The following DPP10 variants were observed in gnomAD, a reference collection of about 807,000 sequenced individuals.
The protein encoded by DPP10 is inactive dipeptidyl peptidase 10.
In DPP10, 33 loss-of-function variants were observed where a neutral mutation model predicts 120.9. That is an observed-to-expected ratio of 0.27 (90% CI 0.21 to 0.37). DPP10 has a LOEUF of 0.37. DPP10 is among the 10% of genes least tolerant of loss of function. DPP10 has a pLI of 1.00. For missense variants in DPP10, 816 were observed against 942.8 expected, an observed-to-expected ratio of 0.87 and a Z score of 1.76; for synonymous variants, 337 against 326.1, an observed-to-expected ratio of 1.03 and a Z score of -0.36.
At chr2:115,782,832 C>A (rs948073276) in intron 17 of DPP10, among the ~76,000 whole-genome samples, 1 of 151,934 alleles carries the variant, frequency 6.6e-6, no homozygotes, top group African/African-American at 2.4e-5. Flanking sequence ...TATCCAGGTT[C>A]TTCTAGTTTT....
intron 1 of DPP10, among the ~76,000 whole-genome samples, chr2:114,839,071 A>G (rs889897756): frequency 6.6e-6 from 1 of 152,202 alleles, no homozygotes; most frequent in Non-Finnish European, 1.5e-5. Flanking sequence ...CAAGTACACT[A>G]TTGAAAATCA....
chr2:115,012,378 A>G (rs1176700505), intron 1 of DPP10, among the ~76,000 whole-genome samples: 2 of 152,082 alleles, frequency 1.3e-5, no homozygotes, highest in Non-Finnish European at 2.9e-5. Context: ...GCCGACCAAC[A>G]CAAAACCAGC....
chr2:115,319,063 T>C (rs1313823087), intron 2 of DPP10, among the ~76,000 whole-genome samples: 1 of 152,182 alleles, frequency 6.6e-6, no homozygotes, highest in East Asian at 1.9e-4. Context: ...TTCTTTACAT[T>C]GTTGAGGGAG....
intron 1 of DPP10, among the ~76,000 whole-genome samples, chr2:114,787,616 T>C (rs919273779): frequency 6.6e-6 from 1 of 152,198 alleles, no homozygotes; most frequent in Non-Finnish European, 1.5e-5. Flanking sequence ...AACTCAGCTT[T>C]GCTGTTCAGC....
chr2:114,952,869 G>C (rs751463358), intron 1 of DPP10, among the ~76,000 whole-genome samples: 3 of 152,118 alleles, frequency 2.0e-5, no homozygotes, highest in Non-Finnish European at 4.4e-5. Context: ...AGGAGGAGTT[G>C]TCATTAAACA....
At chr2:115,328,257 A>G (rs554759611) in intron 2 of DPP10, among the ~76,000 whole-genome samples, 68 of 152,192 alleles carry the variant, frequency 4.5e-4, no homozygotes, top group Non-Finnish European at 6.8e-4. Context: ...GCTCTTCTCC[A>G]AATGTGGAAA....
At chr2:115,275,701 C>CTTTTTTTTT (rs72078308) in intron 1 of DPP10, among the ~76,000 whole-genome samples, 9 of 131,846 alleles carry the variant, frequency 6.8e-5, no homozygotes, top group Non-Finnish European at 1.1e-4. Flanking sequence ...CTTTTCTTTT[C>CTTTTTTTTT]TTTTTTTTTT....
chr2:115,068,359 C>T (rs1252311633), intron 1 of DPP10, among the ~76,000 whole-genome samples: 1 of 151,574 alleles, frequency 6.6e-6, no homozygotes, highest in Non-Finnish European at 1.5e-5. Flanking sequence ...CTATTGGCCA[C>T]TTATATGTCT....
At chr2:114,515,467 A>AGT (rs1684518599) in intron 1 of DPP10, among the ~76,000 whole-genome samples, 1 of 152,232 alleles carries the variant, frequency 6.6e-6, no homozygotes. Flanking sequence ...CTTTTGGTAC[A>AGT]GTGCAGTCTG....
At chr2:115,398,000 G>A (rs984279044) in intron 3 of DPP10, among the ~76,000 whole-genome samples, 5 of 152,036 alleles carry the variant, frequency 3.3e-5, no homozygotes, top group African/African-American at 9.7e-5. Context: ...AAATGTTCAC[G>A]GCCAATTTCT....
chr2:115,781,872 G>T (rs34898210), intron 16 of DPP10, among the ~76,000 whole-genome samples: 1 of 151,766 alleles, frequency 6.6e-6, no homozygotes, highest in South Asian at 2.1e-4. Flanking sequence ...TATGGTTAAC[G>T]TATTTTTAAA....
At chr2:115,308,042 C>A (rs1250257084) in intron 1 of DPP10, among the ~76,000 whole-genome samples, 1 of 152,040 alleles carries the variant, frequency 6.6e-6, no homozygotes, top group East Asian at 1.9e-4. Context: ...AAACAACAAA[C>A]AACAAAATGC....
At chr2:114,536,408 C>CTTTTTTTTTTTTTTTT (rs70937287) in intron 1 of DPP10, among the ~76,000 whole-genome samples, 4 of 128,732 alleles carry the variant, frequency 3.1e-5, no homozygotes, top group South Asian at 2.5e-4. Flanking sequence ...TTTTCTTTTT[C>CTTTTTTTTTTTTTTTT]TTTTTTTTTT....
intron 1 of DPP10, among the ~76,000 whole-genome samples, chr2:115,182,785 G>C (rs748714966): frequency 4.5e-4 from 69 of 152,058 alleles, no homozygotes; most frequent in Non-Finnish European, 8.8e-4. Flanking sequence ...GAGTGATGGG[G>C]GTTACCTTTC....
intron 1 of DPP10, among the ~76,000 whole-genome samples, chr2:114,904,948 C>G (rs1164060739): frequency 6.6e-6 from 1 of 152,020 alleles, no homozygotes; most frequent in African/African-American, 2.4e-5. Flanking sequence ...GGATGAGACC[C>G]TAAGAACAGG....
chr2:115,496,208 A>T (rs2076388499), intron 3 of DPP10, among the ~76,000 whole-genome samples: 1 of 152,130 alleles, frequency 6.6e-6, no homozygotes, highest in Non-Finnish European at 1.5e-5. Context: ...AAGAAAATTA[A>T]TAAGGGCAGA....
chr2:114,450,151 T>C (rs1400279045), intron 1 of DPP10, among the ~76,000 whole-genome samples: 1 of 152,110 alleles, frequency 6.6e-6, no homozygotes, highest in Non-Finnish European at 1.5e-5. Flanking sequence ...ATCTCTGTGC[T>C]TCTAGACTTG....
chr2:115,309,150 T>A, intron 1 of DPP10, 89 bp from the exon 2 acceptor site: 1 of 966,448 alleles, frequency 1.0e-6, no homozygotes, highest in South Asian at 1.5e-5. Flanking sequence ...TTTCAAACTG[T>A]GATTGTGCCA....
intron 1 of DPP10, among the ~76,000 whole-genome samples, chr2:114,894,566 A>G (rs1426485772): frequency 1.3e-5 from 2 of 152,134 alleles, no homozygotes; most frequent in African/African-American, 4.8e-5. Context: ...TGTCTAAAGG[A>G]TATTTGGGAA....
Sources: allele counts gnomAD v4.1 joint callset (sites outside exome capture counted in the v4.1 genomes callset), GRCh38; gene constraint gnomAD v4.1.1; transcripts MANE v1.5; gene names NCBI Gene and HGNC (gene_info 2026-07-23, HGNC 2026-07-21).